ADARB2: variants seen among roughly 807,000 people sequenced by gnomAD.
ADARB2 encodes adenosine deaminase RNA specific B2 (inactive).
A neutral mutation model predicts 62.2 loss-of-function variants in ADARB2; 25 were observed. The observed-to-expected ratio is 0.40, with a 90% confidence interval of 0.29 to 0.56. The LOEUF is 0.56. Ranked by LOEUF, ADARB2 falls within the 20% of genes least tolerant of loss-of-function variation. The probability of loss-of-function intolerance (pLI) is 0.43; values close to 1 mark genes in which losing one functional copy is unlikely to be tolerated. For synonymous variants in ADARB2, 572 were observed against 500.8 expected, an observed-to-expected ratio of 1.14 and a Z score of -1.90; for missense variants, 1,071 against 1,077.4, an observed-to-expected ratio of 0.99 and a Z score of 0.08.
chr10:1,470,975 C>A (rs547358897), intron 1 of ADARB2, among the ~76,000 whole-genome samples: 2 of 152,148 alleles, frequency 1.3e-5, no homozygotes, highest in African/African-American at 2.4e-5. Flanking sequence ...AGGAGAATGG[C>A]GTGAACCCGG....
chr10:1,611,595 C>G (rs1431396839), intron 1 of ADARB2, among the ~76,000 whole-genome samples: 1 of 152,214 alleles, frequency 6.6e-6, no homozygotes, highest in Non-Finnish European at 1.5e-5. Flanking sequence ...CCTCTTCCTC[C>G]CTCCTTGGGA....
intron 3 of ADARB2, chr10:1,291,720 C>T (rs1045082554): frequency 6.6e-6 from 1 of 152,234 alleles, no homozygotes; most frequent in Non-Finnish European, 1.5e-5. Flanking sequence ...TTTGGACAAA[C>T]ATGCAACCAA....
intron 1 of ADARB2, among the ~76,000 whole-genome samples, chr10:1,458,447 A>G (rs1173684310): frequency 6.6e-6 from 1 of 152,200 alleles, no homozygotes; most frequent in Non-Finnish European, 1.5e-5. Context: ...AATATATATT[A>G]TAAGTTTTAT....
chr10:1,383,198 G>A (rs1359175611), intron 1 of ADARB2, among the ~76,000 whole-genome samples: 3 of 152,194 alleles, frequency 2.0e-5, no homozygotes. Context: ...CAGCCATGAA[G>A]TGCAGTTGGC....
intron 1 of ADARB2, among the ~76,000 whole-genome samples, chr10:1,583,785 G>A (rs1282423011): frequency 6.6e-6 from 1 of 152,212 alleles, no homozygotes; most frequent in Non-Finnish European, 1.5e-5. Flanking sequence ...ATACAATGCT[G>A]AAGGAGAAGC....
chr10:1,465,146 G>T (rs1831237707), intron 1 of ADARB2, among the ~76,000 whole-genome samples: 1 of 152,222 alleles, frequency 6.6e-6, no homozygotes. Flanking sequence ...ACTGAGGACG[G>T]CTCCGTTTAT....
At chr10:1,341,470 C>T (rs1171295621) in intron 3 of ADARB2, among the ~76,000 whole-genome samples, 1 of 142,272 alleles carries the variant, frequency 7.0e-6, no homozygotes, top group Non-Finnish European at 1.5e-5. Flanking sequence ...CAGAGAACCA[C>T]GTGCCCCACA....
At chr10:1,272,432 G>A (rs564335015) in intron 3 of ADARB2, among the ~76,000 whole-genome samples, 2 of 152,344 alleles carry the variant, frequency 1.3e-5, no homozygotes, top group South Asian at 4.1e-4. Context: ...AAACAGCCCT[G>A]CCTGCCAGAA....
chr10:1,650,830 C>T (rs777949513), intron 1 of ADARB2, among the ~76,000 whole-genome samples: 3 of 152,244 alleles, frequency 2.0e-5, no homozygotes, highest in Non-Finnish European at 2.9e-5. Flanking sequence ...AGCAGAGGGT[C>T]GAGGGACACT....
intron 1 of ADARB2, among the ~76,000 whole-genome samples, chr10:1,482,966 C>T (rs1831491559): frequency 6.6e-6 from 1 of 152,002 alleles, no homozygotes. Flanking sequence ...GTAAATTGCC[C>T]ATGTATGTGT....
chr10:1,517,465 TTCAG>T (rs1194515580), intron 1 of ADARB2, among the ~76,000 whole-genome samples: 4 of 152,102 alleles, frequency 2.6e-5, no homozygotes, highest in Non-Finnish European at 5.9e-5. Flanking sequence ...CACTTGGAGG[TTCAG>T]TAAGTCAGCT....
At chr10:1,529,418 G>T (rs576446737) in intron 1 of ADARB2, among the ~76,000 whole-genome samples, 21 of 152,230 alleles carry the variant, frequency 1.4e-4, no homozygotes, top group Non-Finnish European at 5.9e-5. Flanking sequence ...ATTAGGGAAG[G>T]CGAGGACCTG....
chr10:1,462,112 C>G (rs1831181850), intron 1 of ADARB2, among the ~76,000 whole-genome samples: 1 of 152,168 alleles, frequency 6.6e-6, no homozygotes. Context: ...CTTCTCTGCC[C>G]CTCTTGGCAG....
intron 1 of ADARB2, among the ~76,000 whole-genome samples, chr10:1,525,579 G>GGTT (rs1232955094): frequency 1.3e-5 from 2 of 151,972 alleles, no homozygotes; most frequent in African/African-American, 4.8e-5. Flanking sequence ...TTTTCCTGTC[G>GGTT]GCTCTGTGGG....
intron 3 of ADARB2, among the ~76,000 whole-genome samples, chr10:1,283,211 A>C (rs75927843): frequency 0.013 from 1,953 of 152,322 alleles, 43 homozygotes; most frequent in African/African-American, 0.044. Context: ...CATGTCATAC[A>C]TGTGTAATAT....
intron 1 of ADARB2, among the ~76,000 whole-genome samples, chr10:1,656,613 G>T (rs74580615): frequency 6.6e-6 from 1 of 152,168 alleles, no homozygotes; most frequent in African/African-American, 2.4e-5. Flanking sequence ...CACACTTGTT[G>T]CATAAAAGGC....
chr10:1,280,898 G>A (rs1831364800), intron 3 of ADARB2, among the ~76,000 whole-genome samples: 2 of 152,224 alleles, frequency 1.3e-5, no homozygotes, highest in Non-Finnish European at 2.9e-5. Context: ...AGCCACGAGA[G>A]GGTTGGGGCC....
At chr10:1,313,746 G>A (rs1356160017) in intron 3 of ADARB2, among the ~76,000 whole-genome samples, 1 of 152,162 alleles carries the variant, frequency 6.6e-6, no homozygotes, top group African/African-American at 2.4e-5. Flanking sequence ...AGTTAATCGA[G>A]GGGCCTTGCT....
intron 3 of ADARB2, among the ~76,000 whole-genome samples, chr10:1,336,017 C>G (rs1043078490): frequency 1.3e-5 from 2 of 152,288 alleles, no homozygotes; most frequent in Admixed American, 1.3e-4. Flanking sequence ...ATAATTAGCT[C>G]TTATTCAAAA....
Sources: allele counts gnomAD v4.1 joint callset (sites outside exome capture counted in the v4.1 genomes callset), GRCh38; gene constraint gnomAD v4.1.1; transcripts MANE v1.5; gene names NCBI Gene and HGNC (gene_info 2026-07-23, HGNC 2026-07-21).